Variants in DLG5 observed in about 807,000 individuals in gnomAD.
The protein encoded by DLG5 is discs large MAGUK scaffold protein 5.
Under a neutral mutation model 189.8 loss-of-function variants are expected in DLG5, and 48 were observed. The observed-to-expected ratio is 0.25, with a 90% CI of 0.20 to 0.32. The LOEUF is 0.32. DLG5 is among the 10% of genes least tolerant of loss of function. DLG5 has a pLI of 1.00. For synonymous variants in DLG5, 1,016 were observed against 1,054.1 expected, an observed-to-expected ratio of 0.96 and a Z score of 0.70; for missense variants, 2,160 against 2,544.7, an observed-to-expected ratio of 0.85 and a Z score of 3.25.
chr10:77,899,884 A>G (rs921986602), intron 1 of DLG5, among the ~76,000 whole-genome samples: 2 of 152,174 alleles, frequency 1.3e-5, no homozygotes, highest in African/African-American at 2.4e-5. Flanking sequence ...TTGGACCAGT[A>G]TCCTCCACAC....
chr10:77,916,328 T>G (rs1846355859), intron 1 of DLG5, among the ~76,000 whole-genome samples: 1 of 152,158 alleles, frequency 6.6e-6, no homozygotes, highest in South Asian at 2.1e-4. Context: ...TTCGCTCTTG[T>G]TGCCCAGGCT....
chr10:77,923,021 T>C (rs1846582022), intron 1 of DLG5, among the ~76,000 whole-genome samples: 1 of 152,208 alleles, frequency 6.6e-6, no homozygotes, highest in Non-Finnish European at 1.5e-5. Context: ...GCAGACTCCC[T>C]CAGCACCCAA....
At chr10:77,896,309 T>A (rs1845757069) in intron 1 of DLG5, among the ~76,000 whole-genome samples, 1 of 152,138 alleles carries the variant, frequency 6.6e-6, no homozygotes, top group Non-Finnish European at 1.5e-5. Context: ...AAAAAATCTA[T>A]AAAAGGCAGG....
rs1453522986 is a variant in DLG5 at position 77,796,082 on chromosome 10, T to C, written c.5415A>G (p.Ser1805=). 5 of 1,614,094 alleles carry C rather than the reference T, an allele frequency of 3.1e-6. No homozygotes were observed. The highest frequency in any genetic ancestry group is 1.7e-5 in the Admixed American group (1 of 60,016). ...SGHFDVTTVA[S]IKEITEKNRH... is the part of the protein sequence containing the mutation. ...GTACCTTTTCTGTGATCTCCTTTAT[T>C]GACGCCACAGTGGTCACATCGAAAT... The change falls in exon 29 of 32, where the codon TCA becomes TCG. Residue 1805 remains serine (S), a synonymous_variant. Transcript: ENST00000372391. The surrounding 1 kb of genome is among the most constrained non-coding windows in gnomAD (Gnocchi z 5.2).
chr10:77,883,657 A>AC (rs1292270963), intron 1 of DLG5, among the ~76,000 whole-genome samples: 1 of 146,308 alleles, frequency 6.8e-6, no homozygotes, highest in Non-Finnish European at 1.5e-5. Context: ...GGATCTATGG[A>AC]CCCCCTAAAC....
chr10:77,875,807 G>A (rs1845068365), intron 1 of DLG5, among the ~76,000 whole-genome samples: 1 of 151,838 alleles, frequency 6.6e-6, no homozygotes, highest in Non-Finnish European at 1.5e-5. Flanking sequence ...GGGAAGAAAG[G>A]TGGCAGGGAA....
At chr10:77,887,858 C>T (rs1013621932) in intron 1 of DLG5, among the ~76,000 whole-genome samples, 6 of 152,246 alleles carry the variant, frequency 3.9e-5, no homozygotes, top group African/African-American at 7.2e-5. Flanking sequence ...CAGAGCCACA[C>T]GCCTTTGTGT....
intron 6 of DLG5, among the ~76,000 whole-genome samples, chr10:77,842,650 C>A (rs187755497): frequency 6.7e-4 from 102 of 152,348 alleles, no homozygotes; most frequent in Non-Finnish European, 5.6e-4. Context: ...CGGGGGACAT[C>A]TTCCACACAG....
the DLG5 span, among the ~76,000 whole-genome samples, chr10:77,933,813 C>T: frequency 1.3e-5 from 2 of 152,104 alleles, no homozygotes; most frequent in Non-Finnish European, 2.9e-5. Context: ...ATGCTCCAGT[C>T]CCTGGAACCT....
Position 77,843,529 on chromosome 10 carries a change from A to G in DLG5, c.1042T>C (p.Leu348=). 4 of 1,614,084 alleles carry G rather than the reference A, an allele frequency of 2.5e-6. No individual in the cohort carries two copies. The highest frequency in any genetic ancestry group is 3.4e-6 in the Non-Finnish European group (4 of 1,180,038). The change falls in exon 6 of 32, where the codon TTG becomes CTG. Residue 348 remains leucine (L), a synonymous_variant. Transcript: ENST00000372391. The part of the protein sequence containing the change: ...LEQLGEENQR[L]LKQTEMLTQQ... The stretch of plus-strand genomic sequence containing the variant: ...GTCAGCATCTCTGTCTGCTTCAGCA[A>G]CCGCTGGTTCTCCTCCCCCAGCTGC...
chr10:77,928,433 G>A (rs1846754752), upstream of DLG5: 1 of 152,212 alleles, frequency 6.6e-6, no homozygotes, highest in African/African-American at 2.4e-5. Context: ...ACCCTCTATG[G>A]CTAAGCAAGG....
chr10:77,825,416 AGT>A, intron 13 of DLG5, among the ~76,000 whole-genome samples: 1 of 147,608 alleles, frequency 6.8e-6, no homozygotes, highest in African/African-American at 2.5e-5. Context: ...ACACACACAC[AGT>A]ACCAATGTCA....
chr10:77,859,411 G>T (rs1474532307), intron 2 of DLG5, among the ~76,000 whole-genome samples: 1 of 152,172 alleles, frequency 6.6e-6, no homozygotes. Context: ...GACTTACCCA[G>T]AGTAACTTCA....
rs376294139 is a variant in DLG5, at chr10:77,806,292, C to A, written c.4968-431G>T. The A allele has an allele frequency of 4.8e-5, 11 of 227,364 alleles. No individual in the cohort carries two copies. In the East Asian group the frequency reaches 7.6e-4, roughly 16 times the overall value. The allele number at this position is 227,364 out of a possible 1,614,324, so 14.1% of individuals were successfully genotyped here. On this transcript the variant is annotated intron_variant, in intron 26 of 31. Coordinates refer to ENST00000372391, the MANE Select transcript of DLG5 (RefSeq NM_004747.4). Reference sequence around the variant, plus strand: ...CCACACAGAAGTCCAGACAGGGAGACCCATGGGTATCAAAAGTAAAGTAGT... The same window carrying A: ...CCACACAGAAGTCCAGACAGGGAGAACCATGGGTATCAAAAGTAAAGTAGT...
chr10:77,922,699 A>T (rs1244855909), intron 1 of DLG5, among the ~76,000 whole-genome samples: 1 of 152,122 alleles, frequency 6.6e-6, no homozygotes, highest in African/African-American at 2.4e-5. Context: ...AGATCATAAG[A>T]CACCACTCAT....
intron 1 of DLG5, among the ~76,000 whole-genome samples, chr10:77,910,564 T>C (rs1237374520): frequency 1.3e-5 from 2 of 152,144 alleles, no homozygotes; most frequent in African/African-American, 2.4e-5. Context: ...AAAGAAGTCT[T>C]GGAAGGAACC....
intron 1 of DLG5, among the ~76,000 whole-genome samples, chr10:77,898,257 C>T (rs1845822648): frequency 2.0e-5 from 3 of 152,238 alleles, no homozygotes; most frequent in Admixed American, 2.0e-4. Context: ...CACATCTCCA[C>T]CCTCTACCAC....
At chr10:77,825,772 G>T (rs1181066675) in intron 13 of DLG5, among the ~76,000 whole-genome samples, 1 of 151,784 alleles carries the variant, frequency 6.6e-6, no homozygotes, top group Non-Finnish European at 1.5e-5. Flanking sequence ...GCCCAGGCTG[G>T]TCTCGAACCC....
At chr10:77,934,384 AAAAAG>A in the DLG5 span, among the ~76,000 whole-genome samples, 1 of 151,664 alleles carries the variant, frequency 6.6e-6, no homozygotes, top group Non-Finnish European at 1.5e-5. Context: ...AAAAAAAAAA[AAAAAG>A]AAAAGGAAAA....
Sources: gnomAD v4.1 joint callset for allele counts (sites outside exome capture counted in the v4.1 genomes callset) on GRCh38, gnomAD v4.1.1 for gene constraint, Gnocchi (gnomAD v3.1) non-coding constraint, MANE v1.5 for transcripts, NCBI Gene and HGNC (gene_info 2026-07-23, HGNC 2026-07-21) for gene names.